KTN1: variants seen among roughly 807,000 people sequenced by gnomAD.
KTN1 encodes the protein kinectin 1, also known as kinectin.
Under a neutral mutation model 222.5 loss-of-function variants are expected in KTN1, and 130 were observed. The ratio of observed to expected loss-of-function variants is 0.58; its 90% CI spans 0.51 to 0.68. The LOEUF (loss-of-function observed/expected upper bound fraction) is 0.68. KTN1 is among the 30% of genes least tolerant of loss of function. The probability of loss-of-function intolerance (pLI) is 0.00; values close to 1 mark genes in which losing one functional copy is unlikely to be tolerated. For synonymous variants in KTN1, 512 were observed against 496.3 expected, an observed-to-expected ratio of 1.03 and a Z score of -0.42; for missense variants, 1,508 against 1,500.4, an observed-to-expected ratio of 1.01 and a Z score of -0.08.
At chr14:55,612,648 T>C (rs1041425398) in intron 2 of KTN1, 77 bp downstream of exon 2, 2 of 1,154,668 alleles carry the variant, frequency 1.7e-6, no homozygotes, top group East Asian at 2.6e-5. Flanking sequence ...GTTAGGTACA[T>C]ACACAGAATG....
chr14:55,593,446 C>CCCAAA (rs1555357160), intron 1 of KTN1, among the ~76,000 whole-genome samples: 55 of 120,570 alleles, frequency 4.6e-4, no homozygotes, highest in African/African-American at 1.6e-3. Flanking sequence ...ACCCCCCCCC[C>CCCAAA]AAAAAAAAAA....
chr14:55,640,927 A>C lies in KTN1; in HGVS notation c.1984-6A>C. The C allele has an allele frequency of 1.2e-6, 2 of 1,611,662 alleles. No individual in the cohort carries two copies. Among genetic ancestry groups the C allele is most frequent in the Non-Finnish European group, 1.7e-6 (2 of 1,178,366 alleles). On this transcript the variant is annotated splice_region_variant and splice_polypyrimidine_tract_variant and intron_variant, in intron 15 of 43. Coordinates refer to ENST00000395314, the MANE Select transcript of KTN1 (RefSeq NM_001079521.2). ...TGATATCATTTTCTTCTCATTCCAC[A>C]CACAGGCTGCTGCTGCACATGAATT...
chr14:55,586,939 A>G (rs1257470425), intron 1 of KTN1, among the ~76,000 whole-genome samples: 1 of 152,126 alleles, frequency 6.6e-6, no homozygotes, highest in African/African-American at 2.4e-5. Flanking sequence ...GTTACCTCGA[A>G]AACGCCAACT....
chr14:55,640,496 T>C, intron 15 of KTN1, 54 bp downstream of exon 15: 1 of 1,234,124 alleles, frequency 8.1e-7, no homozygotes, highest in Non-Finnish European at 1.2e-6. Context: ...TTGCGTATTC[T>C]TATTTTCATT....
intron 19 of KTN1, among the ~76,000 whole-genome samples, 162 bp from the exon 20 acceptor site, chr14:55,647,863 G>A (rs1174299385): frequency 6.6e-6 from 1 of 151,684 alleles, no homozygotes; most frequent in Admixed American, 6.6e-5. Context: ...AGAATGGCAT[G>A]AACCCGGGAG....
Position 55,612,445 on chromosome 14 carries a change from A to C in KTN1, c.397A>C (p.Ser133Arg). The C allele has an allele frequency of 6.2e-7, 1 of 1,614,198 alleles. No homozygotes were observed. Among genetic ancestry groups the C allele is most frequent in the Non-Finnish European group, 8.5e-7 (1 of 1,180,016 alleles). Residue 133 changes from serine (S) to arginine (R), a missense_variant, in exon 2 of 44, where the codon AGT becomes CGT. By Grantham distance (110) the Ser-to-Arg change is moderately radical (BLOSUM62 -1). Coordinates refer to ENST00000395314, the MANE Select transcript of KTN1 (RefSeq NM_001079521.2). The part of the protein sequence containing the change: ...PVLEEQVIKE[S>R]DASKIPGKKV... ...GCTTGAAGAGCAGGTCATCAAAGAA[A>C]GTGACGCATCAAAGATTCCTGGCAA...
chr14:55,610,781 C>A (rs751929292), intron 1 of KTN1, among the ~76,000 whole-genome samples: 2 of 152,230 alleles, frequency 1.3e-5, no homozygotes, highest in Non-Finnish European at 2.9e-5. Context: ...TCTAGAATCT[C>A]AACATCAGAA....
In KTN1 at chr14:55,650,625, A is replaced by C; in HGVS notation, c.2553A>C (p.Glu851Asp). 1 of 1,610,552 alleles carries C rather than the reference A, an allele frequency of 6.2e-7. No individual in the cohort carries two copies. Among genetic ancestry groups the C allele is most frequent in the Admixed American group, 1.7e-5 (1 of 59,988 alleles). Residue 851 changes from glutamate to aspartate, a missense_variant, in exon 24 of 44, where the codon GAA becomes GAC. By Grantham distance (45) the Glu-to-Asp change is conservative. Coordinates refer to ENST00000395314, the MANE Select transcript of KTN1 (RefSeq NM_001079521.2). Reference protein sequence around the residue: ...LKEEIGNVQLEKAQQLSITSK... With the variant: ...LKEEIGNVQLDKAQQLSITSK... ...AAGAAATAGGAAATGTCCAGCTTGA[A>C]AAGGCTCAACAGGTAAAAATCCCAG... is the stretch of plus-strand genomic sequence containing the variant.
intron 18 of KTN1, chr14:55,644,258 C>T: frequency 2.1e-6 from 1 of 471,734 alleles, no homozygotes. Context: ...CCCTTTCTAT[C>T]CCACAGTCAG....
chr14:55,651,945 CATTTCCTTTTACT>C lies in KTN1; in HGVS notation c.2603+24_2603+36del. On this transcript the variant is annotated intron_variant, in intron 25 of 43. Coordinates refer to ENST00000395314, the MANE Select transcript of KTN1 (RefSeq NM_001079521.2). ...CAGAACTTGTAAGTACCATTTATCT[CATTTCCTTTTACT>C]ATTTCTTTTTCATGAGTTAAATAGA... is the stretch of plus-strand genomic sequence containing the variant. The C allele has an allele frequency of 6.7e-7, 1 of 1,485,012 alleles. No homozygotes were observed. 92.0% of individuals were successfully genotyped at this position (1,485,012 alleles called of 1,614,324 possible). A position where few individuals can be genotyped will look rare whatever the true frequency, so the allele number is the denominator to read the frequency against.
intron 1 of KTN1, among the ~76,000 whole-genome samples, chr14:55,580,703 G>C (rs1370949922): frequency 6.6e-6 from 1 of 152,082 alleles, no homozygotes; most frequent in Middle Eastern, 3.2e-3. Flanking sequence ...CGACCCGAGC[G>C]GGCCCTGGGG....
chr14:55,582,898 C>T (rs1566639964), intron 1 of KTN1, among the ~76,000 whole-genome samples: 1 of 152,262 alleles, frequency 6.6e-6, no homozygotes, highest in South Asian at 2.1e-4. Context: ...CCAGAGTATA[C>T]TTAGAGGATA....
intron 29 of KTN1, among the ~76,000 whole-genome samples, chr14:55,656,846 A>G (rs1566814153): frequency 1.3e-5 from 2 of 152,222 alleles, no homozygotes; most frequent in African/African-American, 4.8e-5. Context: ...ACAGTGCAGC[A>G]GTGAATATCC....
chr14:55,652,964 A>G (rs2043093625), intron 26 of KTN1, 24 bp downstream of exon 26: 1 of 1,593,850 alleles, frequency 6.3e-7, no homozygotes, highest in Admixed American at 1.7e-5. Flanking sequence ...AACAATAAAA[A>G]ATAGCCTTTT....
intron 32 of KTN1, chr14:55,663,364 CCTTTG>C (rs1476120559): frequency 1.7e-5 from 3 of 175,756 alleles, no homozygotes; most frequent in Non-Finnish European, 3.7e-5. Flanking sequence ...CCAGCCTTCC[CCTTTG>C]CTTTGATCAA....
chr14:55,604,520 C>G (rs1487239816), intron 1 of KTN1, among the ~76,000 whole-genome samples: 1 of 152,228 alleles, frequency 6.6e-6, no homozygotes, highest in African/African-American at 2.4e-5. Flanking sequence ...CTGTCCACAT[C>G]TTCCTGTGCT....
intron 3 of KTN1, among the ~76,000 whole-genome samples, chr14:55,617,007 A>G (rs1392075416): frequency 6.6e-6 from 1 of 152,240 alleles, no homozygotes; most frequent in East Asian, 1.9e-4. Context: ...GCTTAAGGAC[A>G]TTAGCTAGAT....
intron 2 of KTN1, among the ~76,000 whole-genome samples, chr14:55,614,184 G>T (rs2038013974): frequency 6.6e-6 from 1 of 152,138 alleles, no homozygotes; most frequent in Admixed American, 6.6e-5. Context: ...GGACTTCTTA[G>T]GTTAGCCATT....
Position 55,678,367 on chromosome 14 carries a change from G to C in KTN1, c.3871G>C (p.Glu1291Gln). Residue 1291 changes from glutamate to glutamine, a missense_variant, in exon 42 of 44, where the codon GAG (glutamate) becomes CAG (glutamine). Glu to Gln is a conservative substitution (Grantham distance 29). Coordinates refer to ENST00000395314, the MANE Select transcript of KTN1 (RefSeq NM_001079521.2). ...TTCCTTATAGGCTCAACAGTCACTGGAGCTTATCCAGTCAAAAATAGTAAA... is the reference window on the plus strand; with the variant it reads ...TTCCTTATAGGCTCAACAGTCACTGCAGCTTATCCAGTCAAAAATAGTAAA... The part of the protein sequence containing the change: ...GDLHKAQQSL[E>Q]LIQSKIVKAA... 6.2e-7 allele frequency: 1 copy of C among 1,607,840 alleles called. No homozygotes were observed. Among genetic ancestry groups the C allele is most frequent in the South Asian group, 1.1e-5 (1 of 90,946 alleles).
Sources: allele counts gnomAD v4.1 joint callset (sites outside exome capture counted in the v4.1 genomes callset), GRCh38; gene constraint gnomAD v4.1.1; transcripts MANE v1.5; gene names NCBI Gene and HGNC (gene_info 2026-07-23, HGNC 2026-07-21).